Variants in SEPTIN7 observed in about 807,000 individuals in gnomAD.
SEPTIN7 encodes the protein septin 7.
A neutral mutation model predicts 63.3 loss-of-function variants in SEPTIN7; 10 were observed. That is an observed-to-expected ratio of 0.16 (90% CI 0.10 to 0.27). The LOEUF is 0.27. SEPTIN7 is among the 10% of genes least tolerant of loss of function. The pLI is 1.00. For synonymous variants in SEPTIN7, 131 were observed against 165.3 expected (o/e 0.79, Z 1.59); for missense variants, 310 against 521.0 (o/e 0.59, Z 3.94).
intron 4 of SEPTIN7, among the ~76,000 whole-genome samples, chr7:35,872,309 C>T (rs1412040238): frequency 6.6e-6 from 1 of 152,112 alleles, no homozygotes; most frequent in Admixed American, 6.5e-5. Flanking sequence ...ATCACTCAAA[C>T]TGCTTATTTG....
chr7:35,819,335 A>C (rs1375963932), intron 1 of SEPTIN7, among the ~76,000 whole-genome samples: 1 of 152,164 alleles, frequency 6.6e-6, no homozygotes, highest in Non-Finnish European at 1.5e-5. Context: ...TTTTCAGCCC[A>C]TTTAAATTGA....
At chr7:35,805,943 C>T (rs1272063567) in intron 1 of SEPTIN7, among the ~76,000 whole-genome samples, 1 of 152,148 alleles carries the variant, frequency 6.6e-6, no homozygotes, top group Non-Finnish European at 1.5e-5. Flanking sequence ...CAGAGTTTCT[C>T]ATTTGAGGTT....
intron 3 of SEPTIN7, among the ~76,000 whole-genome samples, chr7:35,862,825 A>G (rs1362535201): frequency 6.6e-6 from 1 of 152,144 alleles, no homozygotes; most frequent in African/African-American, 2.4e-5. Flanking sequence ...TATACCTTGA[A>G]GCCATTTATA....
intron 9 of SEPTIN7, 138 bp from the exon 10 acceptor site, chr7:35,885,690 T>C: frequency 1.5e-6 from 1 of 687,044 alleles, no homozygotes; most frequent in Non-Finnish European, 2.6e-6. Context: ...TGTACTATGT[T>C]AGTGTTAAAT....
intron 3 of SEPTIN7, chr7:35,848,055 A>G (rs773523020): frequency 1.3e-5 from 2 of 152,182 alleles, no homozygotes; most frequent in Non-Finnish European, 2.9e-5. Context: ...ACACTCCAGC[A>G]TGCCACGTGG....
chr7:35,905,375 T>C lies in SEPTIN7; in HGVS notation c.*1082T>C, dbSNP rs1168921490. 2.0e-5 allele frequency: 3 copies of C among 152,436 alleles called. No homozygotes were observed. Among genetic ancestry groups the C allele is most frequent in the African/African-American group, 7.2e-5 (3 of 41,462 alleles). 9.4% of individuals were successfully genotyped at this position (152,436 alleles called of 1,614,324 possible). ...GTAGAGTATGTTTGGGAAGAAACTT[T>C]TCAGCTTAAGTTTGCCTCCTCTACA... On this transcript the variant is annotated 3_prime_UTR_variant, in exon 14 of 14. Transcript: ENST00000350320.
intron 3 of SEPTIN7, among the ~76,000 whole-genome samples, chr7:35,843,364 C>T (rs1354507018): frequency 6.6e-6 from 1 of 152,162 alleles, no homozygotes; most frequent in Non-Finnish European, 1.5e-5. Context: ...AACTTTTCCT[C>T]ATTCCGTAGG....
At chr7:35,891,785 ATAACT>A (rs1046417301) in intron 11 of SEPTIN7, among the ~76,000 whole-genome samples, 6 of 152,336 alleles carry the variant, frequency 3.9e-5, no homozygotes, top group Non-Finnish European at 5.9e-5. Flanking sequence ...TTATTTTATA[ATAACT>A]TAAATTTTAA....
intron 1 of SEPTIN7, among the ~76,000 whole-genome samples, chr7:35,813,519 G>A (rs779741851): frequency 6.6e-6 from 1 of 152,078 alleles, no homozygotes. Context: ...GATTACAGGC[G>A]TGTGCCACCA....
At chr7:35,837,109 G>A (rs1193378957) in intron 3 of SEPTIN7, among the ~76,000 whole-genome samples, 1 of 152,126 alleles carries the variant, frequency 6.6e-6, no homozygotes, top group African/African-American at 2.4e-5. Context: ...CCTTCTAGCT[G>A]TTAAATCTGA....
chr7:35,891,034 A>G (rs1361399047), intron 11 of SEPTIN7, among the ~76,000 whole-genome samples: 1 of 152,182 alleles, frequency 6.6e-6, no homozygotes, highest in African/African-American at 2.4e-5. Context: ...TAACAAAAGG[A>G]ATATTTAGAT....
intron 1 of SEPTIN7, among the ~76,000 whole-genome samples, chr7:35,810,583 A>G (rs991325155): frequency 6.6e-6 from 1 of 152,086 alleles, no homozygotes; most frequent in Non-Finnish European, 1.5e-5. Flanking sequence ...TTGGCCTCCC[A>G]AAGTGCTGGG....
chr7:35,802,184 C>T (rs1266897432), intron 1 of SEPTIN7: 1 of 252,610 alleles, frequency 4.0e-6, no homozygotes, highest in Non-Finnish European at 8.5e-6. Flanking sequence ...CGAGCCCTTT[C>T]ATTTCCTTTC....
At chr7:35,892,376 C>T (rs909876712) in intron 11 of SEPTIN7, among the ~76,000 whole-genome samples, 7 of 151,956 alleles carry the variant, frequency 4.6e-5, no homozygotes, top group Non-Finnish European at 1.0e-4. Context: ...AACTTTGGCA[C>T]AAAAATGTAA....
At chr7:35,819,463 T>C (rs564662223) in intron 1 of SEPTIN7, among the ~76,000 whole-genome samples, 91 of 151,964 alleles carry the variant, frequency 6.0e-4, no homozygotes, top group African/African-American at 2.1e-3. Flanking sequence ...TAGGTCTAGT[T>C]GGTTTATAGT....
chr7:35,867,072 A>G (rs1349354969), intron 4 of SEPTIN7, among the ~76,000 whole-genome samples: 2 of 152,122 alleles, frequency 1.3e-5, no homozygotes, highest in African/African-American at 4.8e-5. Flanking sequence ...GGGTGAAAGG[A>G]GGAGAGGGAA....
At chr7:35,914,977 CAT>C in the SEPTIN7 span, among the ~76,000 whole-genome samples, 95 of 152,058 alleles carry the variant, frequency 6.2e-4, no homozygotes, top group Middle Eastern at 3.4e-3. Flanking sequence ...TTTATGTACA[CAT>C]ATGCATGCGT....
At chr7:35,897,027 C>T (rs1365683768) in intron 11 of SEPTIN7, among the ~76,000 whole-genome samples, 1 of 152,034 alleles carries the variant, frequency 6.6e-6, no homozygotes, top group South Asian at 2.1e-4. Flanking sequence ...AAATATTTAG[C>T]CTAATAAGGA....
intron 12 of SEPTIN7, 86 bp from the exon 13 acceptor site, chr7:35,902,990 C>T: frequency 6.9e-7 from 1 of 1,445,754 alleles, no homozygotes; most frequent in Non-Finnish European, 9.1e-7. Context: ...TGCTCATACT[C>T]CTTATCATTA....
Sources: gnomAD v4.1 joint callset for allele counts (sites outside exome capture counted in the v4.1 genomes callset) on GRCh38, gnomAD v4.1.1 for gene constraint, MANE v1.5 for transcripts, NCBI Gene and HGNC (gene_info 2026-07-23, HGNC 2026-07-21) for gene names.